Variants in SOS2 observed in about 807,000 individuals in gnomAD.
The protein encoded by SOS2 is son of sevenless homolog 2.
SOS2 carries 65 observed loss-of-function variants against 148.2 expected under a neutral mutation model. The observed-to-expected ratio is 0.44, with a 90% CI of 0.36 to 0.54. The LOEUF is 0.54. Ranked by LOEUF, SOS2 falls within the 20% of genes least tolerant of loss-of-function variation. The probability of loss-of-function intolerance (pLI) is 0.00; values close to 1 mark genes in which losing one functional copy is unlikely to be tolerated. For synonymous variants in SOS2, 539 were observed against 537.1 expected (o/e 1.00, Z -0.05); for missense variants, 1,341 against 1,590.2 (o/e 0.84, Z 2.67).
intron 6 of SOS2, among the ~76,000 whole-genome samples, chr14:50,181,320 C>A (rs919772272): frequency 3.3e-5 from 5 of 151,988 alleles, no homozygotes; most frequent in African/African-American, 1.2e-4. Context: ...TGGTGGCAGG[C>A]GCCTGTAATC....
chr14:50,188,937 G>A (rs989345219), intron 4 of SOS2, among the ~76,000 whole-genome samples: 4 of 151,796 alleles, frequency 2.6e-5, no homozygotes, highest in African/African-American at 9.7e-5. Flanking sequence ...CATGGTAGGC[G>A]CTTGTAATCC....
chr14:50,122,871 T>C (rs1385854894), intron 21 of SOS2, among the ~76,000 whole-genome samples: 3 of 152,236 alleles, frequency 2.0e-5, no homozygotes, highest in Non-Finnish European at 4.4e-5. Context: ...TTACTTCTAA[T>C]TTTCTGCCAT....
chr14:50,180,131 G>A (rs1017609160), intron 7 of SOS2, among the ~76,000 whole-genome samples: 1 of 151,458 alleles, frequency 6.6e-6, no homozygotes, highest in Admixed American at 6.6e-5. Flanking sequence ...AGCCTCCTGA[G>A]TAGCTGGGAT....
chr14:50,142,852 T>A (rs902469196), intron 16 of SOS2, among the ~76,000 whole-genome samples: 1 of 152,250 alleles, frequency 6.6e-6, no homozygotes, highest in Non-Finnish European at 1.5e-5. Flanking sequence ...TGCACATTTT[T>A]AATTTTAACA....
At chr14:50,160,539 A>C (rs552629807) in intron 9 of SOS2, among the ~76,000 whole-genome samples, 1 of 151,940 alleles carries the variant, frequency 6.6e-6, no homozygotes, top group African/African-American at 2.4e-5. Context: ...GGTGCCTGCC[A>C]CCACGCCTGG....
rs117294554 is a variant in SOS2 at position 50,215,419 on chromosome 14, C to G, written c.88-11010G>C. ...CATCAAGAGGACAATGGAAGAGAACCATGCTTTACACTTCTACAGAGACAG... is the reference window on the plus strand; with the variant it reads ...CATCAAGAGGACAATGGAAGAGAACGATGCTTTACACTTCTACAGAGACAG... On this transcript the variant is annotated intron_variant, in intron 1 of 22. Transcript: ENST00000216373. The G allele has an allele frequency of 0.015, 18,913 of 1,283,052 alleles. 159 individuals carry two copies. Among genetic ancestry groups the G allele is most frequent in the Non-Finnish European group, 0.017 (17,107 of 984,822 alleles). The allele number at this position is 1,283,052 out of a possible 1,614,324, so 79.5% of individuals were successfully genotyped here. A position where few individuals can be genotyped will look rare whatever the true frequency, so the allele number is the denominator to read the frequency against.
intron 5 of SOS2, among the ~76,000 whole-genome samples, chr14:50,183,859 C>T (rs1158275125): frequency 6.6e-6 from 1 of 152,228 alleles, no homozygotes; most frequent in Non-Finnish European, 1.5e-5. Context: ...CAGCCATTCA[C>T]TGCTTAAAGA....
intron 1 of SOS2, among the ~76,000 whole-genome samples, chr14:50,215,178 C>T (rs1182774303): frequency 1.3e-5 from 2 of 151,918 alleles, no homozygotes; most frequent in East Asian, 3.9e-4. Flanking sequence ...GCCAAGGGCC[C>T]CACTCAGTGA....
intron 1 of SOS2, among the ~76,000 whole-genome samples, chr14:50,218,626 A>G (rs1272733332): frequency 1.3e-5 from 2 of 152,212 alleles, no homozygotes; most frequent in African/African-American, 4.8e-5. Context: ...TGGAAGGCAA[A>G]TAAAAACATG....
rs1450157468 is a variant in SOS2 at position 50,224,302 on chromosome 14, AAAATAT to A, written c.87+6889_87+6894del. On this transcript the variant is annotated intron_variant, in intron 1 of 22. Coordinates refer to ENST00000216373, the MANE Select transcript of SOS2 (RefSeq NM_006939.4). ...CAAGACTCCGTCTCAGGAAAAAAAA[AAAATAT>A]ATATATACACACACACACACACACA... is the stretch of plus-strand genomic sequence containing the variant. Among the ~76,000 whole-genome samples, 76 of 79,866 alleles carry A rather than the reference AAAATAT, an allele frequency of 9.5e-4. 2 individuals carry two copies. Among genetic ancestry groups the A allele is most frequent in the African/African-American group, 3.2e-3 (61 of 18,792 alleles). The allele number at this position is 79,866 out of a possible 152,430, so 52.4% of individuals were successfully genotyped here. A position where few individuals can be genotyped will look rare whatever the true frequency, so the allele number is the denominator to read the frequency against.
chr14:50,150,172 T>A lies in SOS2; in HGVS notation c.2220A>T (p.Gln740His), dbSNP rs576277421. The change falls in exon 14 of 23, where the codon CAA becomes CAT. Residue 740 changes from glutamine to histidine, a missense_variant. By Grantham distance (24) the Gln-to-His change is conservative. This residue lies in a region of SOS2 where 408 missense variants were observed against 506.6 expected (regional missense o/e 0.81). Transcript: ENST00000216373. ...SIAKIIRRKK[Q>H]AQANGVSHNI... is the part of the protein sequence containing the mutation. The stretch of plus-strand genomic sequence containing the variant: ...TATGGCTTACTCCGTTTGCCTGAGC[T>A]TGCTTCTTCCTCCTGATGATCTTAG... 13 of 1,613,838 alleles carry A rather than the reference T, an allele frequency of 8.1e-6. No individual in the cohort carries two copies. In the South Asian group the frequency reaches 1.4e-4, roughly 18 times the overall value.
chr14:50,180,693 A>T lies in SOS2; in HGVS notation c.859-11T>A, dbSNP rs764875496. 1 of 1,377,418 alleles carries T rather than the reference A, an allele frequency of 7.3e-7. No homozygotes were observed. Among genetic ancestry groups the T allele is most frequent in the Non-Finnish European group, 1.0e-6 (1 of 980,384 alleles). 85.3% of individuals were successfully genotyped at this position (1,377,418 alleles called of 1,614,324 possible). ...ATCAAATGCTTGCTCCTATTTTTTTAAAAAGAGAAAAAGCATTAGGTTTAA... is the reference window on the plus strand; with the variant it reads ...ATCAAATGCTTGCTCCTATTTTTTTTAAAAGAGAAAAAGCATTAGGTTTAA... On this transcript the variant is annotated splice_polypyrimidine_tract_variant and intron_variant, in intron 6 of 22. Transcript: ENST00000216373.
rs765120984 is a variant in SOS2, at chr14:50,204,383, G to A, written c.114C>T (p.Leu38=). The A allele has an allele frequency of 1.3e-6, 2 of 1,581,332 alleles. No homozygotes were observed. The highest frequency in any genetic ancestry group is 1.7e-6 in the Non-Finnish European group (2 of 1,156,688). The change falls in exon 2 of 23, where the codon CTC becomes CTT. Residue 38 remains leucine (L), a synonymous_variant. Coordinates refer to ENST00000216373, the MANE Select transcript of SOS2 (RefSeq NM_006939.4). The part of the protein sequence containing the change: ...RKVQEQVHPT[L]SANEESLYYI... ...AATAGAGAGACTCTTCATTAGCTGA[G>A]AGAGTGGGATGCACTTGTTCCTGAA...
At chr14:50,209,894 T>C (rs1886811106) in intron 1 of SOS2, among the ~76,000 whole-genome samples, 1 of 152,174 alleles carries the variant, frequency 6.6e-6, no homozygotes, top group Admixed American at 6.6e-5. Context: ...TGAAAGATGA[T>C]ACCATGTTGG....
In SOS2 at chr14:50,150,006, A is replaced by G; in HGVS notation, c.2384+2T>C. On this transcript the variant is annotated splice_donor_variant, in intron 14 of 22. Coordinates refer to ENST00000216373, the MANE Select transcript of SOS2 (RefSeq NM_006939.4). LOFTEE classifies it high-confidence loss of function. ...AGCAAGACATTAACATTAATTGTCT[A>G]CCTGTAAAGATCAGACTCCAAAAGT... 6.4e-7 allele frequency: 1 copy of G among 1,561,776 alleles called. No homozygotes were observed. The highest frequency in any genetic ancestry group is 8.8e-7 in the Non-Finnish European group (1 of 1,132,332).
chr14:50,183,519 A>C (rs1885811781), intron 5 of SOS2, among the ~76,000 whole-genome samples: 1 of 152,204 alleles, frequency 6.6e-6, no homozygotes, highest in African/African-American at 2.4e-5. Context: ...AACAGACAAT[A>C]AAAATACTAC....
chr14:50,118,967 T>TA (rs1883409885), intron 22 of SOS2, 114 bp from the exon 23 acceptor site: 5 of 582,772 alleles, frequency 8.6e-6, no homozygotes, highest in Non-Finnish European at 1.1e-5. Context: ...CAAAATAAAC[T>TA]AATCTGGGTT....
At chr14:50,132,957 CCTT>C (rs1394901048) in intron 19 of SOS2, among the ~76,000 whole-genome samples, 2 of 151,894 alleles carry the variant, frequency 1.3e-5, no homozygotes, top group Non-Finnish European at 2.9e-5. Flanking sequence ...TGACTTGGCT[CCTT>C]CTGACTTTTT....
rs548114426 is a variant in SOS2, at chr14:50,159,734, T to C, written c.1549A>G (p.Lys517Glu). Residue 517 changes from lysine (K) to glutamate (E), a missense_variant, in exon 10 of 23, where the codon AAA becomes GAA. By Grantham distance (56) the Lys-to-Glu change is moderately conservative. Coordinates refer to ENST00000216373, the MANE Select transcript of SOS2 (RefSeq NM_006939.4). ...GCAAATATTATGCTGTTCTCATCTT[T>C]GGATACTAATTCAAATGCATGCTTG... ...EHKHAFELVS[K>E]DENSIIFAAK... is the part of the protein sequence containing the mutation. 6.2e-7 allele frequency: 1 copy of C among 1,614,134 alleles called. No individual in the cohort carries two copies. Among genetic ancestry groups the C allele is most frequent in the African/African-American group, 1.3e-5 (1 of 75,076 alleles).
Sources: allele counts gnomAD v4.1 joint callset (sites outside exome capture counted in the v4.1 genomes callset), GRCh38; gene constraint gnomAD v4.1.1; regional missense constraint gnomAD v4.1.1; transcripts MANE v1.5; gene names NCBI Gene and HGNC (gene_info 2026-07-23, HGNC 2026-07-21).